Variants in CCDC69 observed in about 807,000 individuals in gnomAD.
CCDC69 encodes coiled-coil domain-containing protein 69.
A neutral mutation model predicts 40.3 loss-of-function variants in CCDC69; 38 were observed. That is an observed-to-expected ratio of 0.94 (90% confidence interval 0.73 to 1.24). CCDC69 has a LOEUF of 1.24. Among genes scored for constraint, CCDC69 ranks in the 50% most tolerant of loss-of-function variants. The pLI, the probability that CCDC69 is intolerant of heterozygous loss-of-function variation, is 0.00. For synonymous variants in CCDC69, 141 were observed against 138.9 expected, an observed-to-expected ratio of 1.02 and a Z score of -0.11; for missense variants, 389 against 357.9, an observed-to-expected ratio of 1.09 and a Z score of -0.70.
intron 1 of CCDC69, among the ~76,000 whole-genome samples, chr5:151,216,066 C>A (rs905460005): frequency 6.6e-6 from 1 of 152,252 alleles, no homozygotes; most frequent in African/African-American, 2.4e-5. Context: ...TCAAGCAATT[C>A]TCCTGCCTCA....
At chr5:151,194,662 A>G (rs1582042034) in intron 4 of CCDC69, among the ~76,000 whole-genome samples, 1 of 152,218 alleles carries the variant, frequency 6.6e-6, no homozygotes, top group East Asian at 1.9e-4. Flanking sequence ...TGGGAGGCCA[A>G]GGCGGGTGGA....
chr5:151,223,691 T>C (rs1449023348), intron 1 of CCDC69, among the ~76,000 whole-genome samples: 2 of 152,180 alleles, frequency 1.3e-5, no homozygotes, highest in Admixed American at 6.5e-5. Flanking sequence ...ATCAGCTGCC[T>C]TTCCCTGGCC....
At chr5:151,210,077 T>C (rs2113999399) in intron 1 of CCDC69, among the ~76,000 whole-genome samples, 1 of 152,334 alleles carries the variant, frequency 6.6e-6, no homozygotes, top group Middle Eastern at 3.4e-3. Flanking sequence ...TACTTCCTCA[T>C]ATCTTACTTT....
At position 151,223,907 on chromosome 5, in the gene CCDC69, C is replaced by G; in HGVS notation, c.48+16G>C. 2.5e-6 allele frequency: 4 copies of G among 1,589,028 alleles called. No homozygotes were observed. The highest frequency in any genetic ancestry group is 3.4e-6 in the Non-Finnish European group (4 of 1,169,384). On this transcript the variant is annotated intron_variant, in intron 1 of 8. Coordinates refer to ENST00000355417, the MANE Select transcript of CCDC69 (RefSeq NM_015621.3). ...CCTCTCCTCTGAAAGCAAACTTCTC[C>G]GCCGGCGCCCTTTACCTTTTTCGGG...
intron 1 of CCDC69, among the ~76,000 whole-genome samples, chr5:151,212,565 T>C (rs1752968992): frequency 6.6e-6 from 1 of 152,092 alleles, no homozygotes. Context: ...TGAGCTCAGA[T>C]TGGGGCTGGT....
chr5:151,211,307 T>C (rs1752943871), intron 1 of CCDC69, among the ~76,000 whole-genome samples: 6 of 152,238 alleles, frequency 3.9e-5, no homozygotes, highest in Admixed American at 3.9e-4. Flanking sequence ...GTTAGCTGTC[T>C]GTCTCTCCTG....
chr5:151,195,941 T>C (rs372139004), intron 4 of CCDC69, among the ~76,000 whole-genome samples: 16 of 152,202 alleles, frequency 1.1e-4, no homozygotes, highest in African/African-American at 3.9e-4. Context: ...AAGGACATAA[T>C]GTGAAATACC....
At chr5:151,194,208 C>A (rs56983149) in intron 4 of CCDC69, among the ~76,000 whole-genome samples, 1 of 152,282 alleles carries the variant, frequency 6.6e-6, no homozygotes, top group African/African-American at 2.4e-5. Flanking sequence ...TGTGTATTCA[C>A]CCAAGATAAA....
rs149454327 is a variant in CCDC69 at position 151,204,280 on chromosome 5, C to T, written c.124+1120G>A. Among the ~76,000 whole-genome samples, 93 of 152,298 alleles carry T rather than the reference C, an allele frequency of 6.1e-4. No individual in the cohort carries two copies. The Middle Eastern group carries it at 0.01, about 17-fold the overall frequency. ...GAACTCTTGGGCTCAAGCATTCCAT[C>T]CACCTTGGCCTCCCAAAGTGCTGGG... On this transcript the variant is annotated intron_variant, in intron 2 of 8. Coordinates refer to ENST00000355417, the MANE Select transcript of CCDC69 (RefSeq NM_015621.3).
In CCDC69 at chr5:151,205,469, G is replaced by A. The variant is rs771648137; in HGVS notation, c.55C>T (p.Gln19Ter). 1.2e-6 allele frequency: 2 copies of A among 1,613,994 alleles called. No individual in the cohort carries two copies. The highest frequency in any genetic ancestry group is 1.7e-5 in the Admixed American group (1 of 59,998). ...SSCKPPKKKR[Q>*]EPEPEQPPRP... ...GGTGGCTGTTCTGGTTCTGGTTCTT[G>A]GCGCTTCTGGAAGAAATGAGACAAC... The change falls in exon 2 of 9, where the codon CAA becomes TAA. Residue 19 changes from glutamine to a stop codon, truncating the protein, a stop_gained. Transcript: ENST00000355417. LOFTEE classifies it high-confidence loss of function.
Position 151,224,036 on chromosome 5 carries a change from G to A in CCDC69, c.-66C>T, listed in dbSNP as rs1171273145. On this transcript the variant is annotated 5_prime_UTR_variant, in exon 1 of 9. Transcript: ENST00000355417. ...GGCCCCCAGAGGAGCCTGCGATCCG[G>A]GCCCCGCTGCCCGCTCCGCGCCCGC... 4.8e-5 allele frequency: 67 copies of A among 1,408,478 alleles called. No homozygotes were observed. Among genetic ancestry groups the A allele is most frequent in the Non-Finnish European group, 5.4e-5 (57 of 1,051,738 alleles). The allele number at this position is 1,408,478 out of a possible 1,614,324, so 87.2% of individuals were successfully genotyped here.
At chr5:151,184,668 C>T in intron 7 of CCDC69, 3 of 463,134 alleles carry the variant, frequency 6.5e-6, no homozygotes, top group South Asian at 6.2e-5. Context: ...CAGGCCCTAC[C>T]ATCTCATTTC....
intron 1 of CCDC69, among the ~76,000 whole-genome samples, chr5:151,220,149 C>A (rs1203968686): frequency 6.6e-6 from 1 of 152,184 alleles, no homozygotes; most frequent in Non-Finnish European, 1.5e-5. Flanking sequence ...GCTCCCACGT[C>A]CCGGGGTACT....
chr5:151,193,994 A>AACAACT (rs1412390632), intron 4 of CCDC69, among the ~76,000 whole-genome samples: 1 of 152,248 alleles, frequency 6.6e-6, no homozygotes, highest in Non-Finnish European at 1.5e-5. Context: ...ATTGAAATGT[A>AACAACT]AATTAAACCT....
chr5:151,186,172 G>A (rs1471975227), intron 5 of CCDC69, 48 bp from the exon 6 acceptor site: 1 of 1,310,082 alleles, frequency 7.6e-7, no homozygotes, highest in Admixed American at 1.7e-5. Context: ...CCTCATAAAT[G>A]CTGTAGGTGA....
chr5:151,200,163 G>C lies in CCDC69; in HGVS notation c.232-1079C>G, dbSNP rs139536321. On this transcript the variant is annotated intron_variant, in intron 3 of 8. Coordinates refer to ENST00000355417, the MANE Select transcript of CCDC69 (RefSeq NM_015621.3). ...GGAGACTTTTTTTTTTTTTGAGATG[G>C]ATTCTTGCTCTGCCACCCAGGCAAG... is the stretch of plus-strand genomic sequence containing the variant. Among the ~76,000 whole-genome samples, 166 of 151,488 alleles carry C rather than the reference G, an allele frequency of 1.1e-3. 2 individuals are homozygous for C. In the East Asian group the frequency reaches 0.03, roughly 27 times the overall value.
Position 151,182,706 on chromosome 5 carries a change from G to A in CCDC69, c.*731C>T, listed in dbSNP as rs572114238. The A allele has an allele frequency of 3.4e-6, 1 of 291,126 alleles. No homozygotes were observed. Among genetic ancestry groups the A allele is most frequent in the African/African-American group, 2.2e-5 (1 of 45,656 alleles). 18.0% of individuals were successfully genotyped at this position (291,126 alleles called of 1,614,324 possible). On this transcript the variant is annotated 3_prime_UTR_variant, in exon 9 of 9. Transcript: ENST00000355417. ...AAGACTGAAGGGCCAGGAGGGCTGA[G>A]GGGATGCACCTTGCCTGGTAAAGGA... is the stretch of plus-strand genomic sequence containing the variant.
intron 1 of CCDC69, among the ~76,000 whole-genome samples, chr5:151,208,762 T>C (rs1285308889): frequency 2.0e-5 from 3 of 152,230 alleles, no homozygotes; most frequent in Admixed American, 6.5e-5. Context: ...ACTCAGACAA[T>C]GTTTTTATGG....
intron 1 of CCDC69, among the ~76,000 whole-genome samples, chr5:151,218,409 C>T (rs1483680874): frequency 1.3e-5 from 2 of 152,184 alleles, no homozygotes; most frequent in African/African-American, 2.4e-5. Context: ...GAGTGCCAGC[C>T]GTGTGGACGG....
Sources: allele counts gnomAD v4.1 joint callset (sites outside exome capture counted in the v4.1 genomes callset), GRCh38; gene constraint gnomAD v4.1.1; transcripts MANE v1.5; gene names NCBI Gene and HGNC (gene_info 2026-07-23, HGNC 2026-07-21).